ESRRG: variants seen among roughly 807,000 people sequenced by gnomAD.
The protein encoded by ESRRG is estrogen related receptor gamma.
A neutral mutation model predicts 44.0 loss-of-function variants in ESRRG; 13 were observed. That is an observed-to-expected ratio of 0.30 (90% confidence interval 0.19 to 0.47). The LOEUF is 0.47. Among genes scored for constraint, ESRRG ranks in the 20% least tolerant of loss-of-function variants. The pLI, the probability that ESRRG is intolerant of heterozygous loss-of-function variation, is 1.00. For missense variants in ESRRG, 395 were observed against 580.6 expected (o/e 0.68, Z 3.29); for synonymous variants, 215 against 214.6 (o/e 1.00, Z -0.02).
At chr1:217,010,398 C>A (rs1395405105) in intron 1 of ESRRG, among the ~76,000 whole-genome samples, 1 of 152,120 alleles carries the variant, frequency 6.6e-6, no homozygotes, top group Non-Finnish European at 1.5e-5. Flanking sequence ...TGAAAAGCAA[C>A]CCCACCCCTG....
chr1:216,555,265 A>G (rs190971682), intron 5 of ESRRG, among the ~76,000 whole-genome samples: 18 of 152,326 alleles, frequency 1.2e-4, no homozygotes, highest in Non-Finnish European at 2.4e-4. Context: ...AAATTATTTC[A>G]AATTCTCCTT....
chr1:216,856,612 A>C (rs934497436), intron 2 of ESRRG, among the ~76,000 whole-genome samples: 1 of 152,238 alleles, frequency 6.6e-6, no homozygotes, highest in Non-Finnish European at 1.5e-5. Flanking sequence ...TTGGAAAGTT[A>C]TCTCTGGAGA....
At chr1:216,834,368 T>A (rs1561184) in intron 2 of ESRRG, among the ~76,000 whole-genome samples, 30,135 of 152,106 alleles carry the variant, frequency 0.2, 3,084 homozygotes, top group Admixed American at 0.26. Flanking sequence ...ATCATTGCAC[T>A]CCAGCCTGGG....
intron 6 of ESRRG, among the ~76,000 whole-genome samples, chr1:216,514,353 T>C (rs955944475): frequency 1.3e-5 from 2 of 152,146 alleles, no homozygotes; most frequent in South Asian, 4.1e-4. Flanking sequence ...ATTTACCTGA[T>C]AGTATTACTT....
In ESRRG at chr1:216,636,045, C is replaced by T. The variant is rs553872574; in HGVS notation, c.589+14928G>A. 2.0e-5 allele frequency among the ~76,000 whole-genome samples: 3 copies of T among 152,292 alleles called. No individual in the cohort carries two copies. The South Asian group carries it at 6.2e-4, about 32-fold the overall frequency. ...ACATTACCTTAATCCTCAGAGCAAACTCTGTAGGATAGGCCATTACTATTA... is the reference window on the plus strand; with the variant it reads ...ACATTACCTTAATCCTCAGAGCAAATTCTGTAGGATAGGCCATTACTATTA... On this transcript the variant is annotated intron_variant, in intron 3 of 6. Transcript: ENST00000408911.
intron 2 of ESRRG, among the ~76,000 whole-genome samples, chr1:216,817,059 TA>T (rs11389958): frequency 0.05 from 6,853 of 137,544 alleles, 163 homozygotes; most frequent in Middle Eastern, 0.075. Context: ...AAGAAAATGA[TA>T]AAAAAAAAAA....
intron 2 of ESRRG, among the ~76,000 whole-genome samples, chr1:216,809,827 T>C (rs1259740504): frequency 6.6e-6 from 1 of 152,156 alleles, no homozygotes; most frequent in Non-Finnish European, 1.5e-5. Flanking sequence ...TGAAATGAGC[T>C]GTCCTCATAG....
rs115729256 is a variant in ESRRG at position 216,536,036 on chromosome 1, T to A, written c.863-16615A>T. On this transcript the variant is annotated intron_variant, in intron 5 of 6. Coordinates refer to ENST00000408911, the MANE Select transcript of ESRRG (RefSeq NM_001438.4). ...TCTCTCTGGACTATTTTGTCCAGACTGACCCCTCTCTTACTTCCTGAAGCT... is the reference window on the plus strand; with the variant it reads ...TCTCTCTGGACTATTTTGTCCAGACAGACCCCTCTCTTACTTCCTGAAGCT... Among the ~76,000 whole-genome samples, 1,031 of 152,268 alleles carry A rather than the reference T, an allele frequency of 6.8e-3. 5 individuals are homozygous for A. Among genetic ancestry groups the A allele is most frequent in the African/African-American group, 0.023 (976 of 41,574 alleles).
intron 3 of ESRRG, among the ~76,000 whole-genome samples, chr1:216,644,213 C>A (rs2150952617): frequency 6.6e-6 from 1 of 152,178 alleles, no homozygotes; most frequent in African/African-American, 2.4e-5. Context: ...TATTGTCTCA[C>A]CACAAATGGT....
At chr1:217,013,429 G>A (rs1237597375) in intron 1 of ESRRG, among the ~76,000 whole-genome samples, 3 of 152,178 alleles carry the variant, frequency 2.0e-5, no homozygotes, top group Non-Finnish European at 4.4e-5. Flanking sequence ...ATGTAAAATT[G>A]CATAACTTTT....
chr1:217,052,279 A>G (rs995267156), intron 1 of ESRRG, among the ~76,000 whole-genome samples: 2 of 152,224 alleles, frequency 1.3e-5, no homozygotes, highest in African/African-American at 4.8e-5. Flanking sequence ...CAGAAGTGCC[A>G]GAGAATGAAC....
chr1:216,644,490 A>G (rs1004111904), intron 3 of ESRRG, among the ~76,000 whole-genome samples: 1 of 143,242 alleles, frequency 7.0e-6, no homozygotes, highest in Non-Finnish European at 1.5e-5. Context: ...GTGCAGTGGC[A>G]CGATCTCCAC....
chr1:216,731,536 A>T (rs2088773615), intron 2 of ESRRG, among the ~76,000 whole-genome samples: 1 of 152,242 alleles, frequency 6.6e-6, no homozygotes, highest in Non-Finnish European at 1.5e-5. Context: ...TAGAGAGCCA[A>T]CTGTTATCTC....
At chr1:217,080,511 C>T (rs994536416) in intron 1 of ESRRG, among the ~76,000 whole-genome samples, 4 of 152,024 alleles carry the variant, frequency 2.6e-5, no homozygotes, top group East Asian at 1.9e-4. Flanking sequence ...TTGTTTAGCA[C>T]GTATCCCGTA....
intron 1 of ESRRG, among the ~76,000 whole-genome samples, chr1:216,691,091 A>T (rs2078974500): frequency 6.6e-6 from 1 of 152,202 alleles, no homozygotes; most frequent in Admixed American, 6.5e-5. Flanking sequence ...ATGTGTGAGT[A>T]GTCACAATGT....
intron 3 of ESRRG, among the ~76,000 whole-genome samples, chr1:216,645,614 G>A (rs2067371742): frequency 6.6e-6 from 1 of 152,030 alleles, no homozygotes; most frequent in East Asian, 1.9e-4. Context: ...GTTCATGCCT[G>A]TAATCCTAGT....
intron 1 of ESRRG, among the ~76,000 whole-genome samples, chr1:217,120,114 C>T (rs1204770652): frequency 6.6e-6 from 1 of 152,018 alleles, no homozygotes; most frequent in Non-Finnish European, 1.5e-5. Flanking sequence ...CAGTGAGATG[C>T]CTCCTCTTAG....
intron 1 of ESRRG, among the ~76,000 whole-genome samples, chr1:217,022,196 G>T (rs1251701382): frequency 6.6e-6 from 1 of 152,188 alleles, no homozygotes; most frequent in Non-Finnish European, 1.5e-5. Flanking sequence ...AAATTGAGCT[G>T]CTATTGTGAT....
chr1:216,591,380 C>A (rs2057641363), intron 3 of ESRRG, among the ~76,000 whole-genome samples: 1 of 152,208 alleles, frequency 6.6e-6, no homozygotes, highest in South Asian at 2.1e-4. Flanking sequence ...TGTGCCCCTC[C>A]CAGTCAGGCT....
Sources: allele counts gnomAD v4.1 joint callset (sites outside exome capture counted in the v4.1 genomes callset), GRCh38; gene constraint gnomAD v4.1.1; transcripts MANE v1.5; gene names NCBI Gene and HGNC (gene_info 2026-07-23, HGNC 2026-07-21).